The following PRDM2 variants were observed in gnomAD, a reference collection of about 807,000 sequenced individuals.
PRDM2 encodes PR domain zinc finger protein 2.
A neutral mutation model predicts 130.0 loss-of-function variants in PRDM2; 30 were observed. That is an observed-to-expected ratio of 0.23 (90% CI 0.17 to 0.31). The LOEUF is 0.31. Among genes scored for constraint, PRDM2 ranks in the 10% least tolerant of loss-of-function variants. PRDM2 has a pLI of 1.00. For missense variants in PRDM2, 2,011 were observed against 2,108.4 expected, an observed-to-expected ratio of 0.95 and a Z score of 0.90; for synonymous variants, 871 against 782.4, an observed-to-expected ratio of 1.11 and a Z score of -1.89.
intron 6 of PRDM2, among the ~76,000 whole-genome samples, chr1:13,761,329 A>G (rs1644092014): frequency 6.6e-6 from 1 of 152,250 alleles, no homozygotes; most frequent in Admixed American, 6.5e-5. Context: ...AGGGCTGTAT[A>G]TGACAAATTT....
intron 8 of PRDM2, among the ~76,000 whole-genome samples, chr1:13,812,130 C>T (rs1199069274): frequency 1.3e-5 from 2 of 151,882 alleles, no homozygotes; most frequent in African/African-American, 4.8e-5. Flanking sequence ...TCTCTTGTTG[C>T]TTAGTGGAGA....
chr1:13,790,334 C>T (rs1026384218), intron 8 of PRDM2, among the ~76,000 whole-genome samples: 6 of 152,156 alleles, frequency 3.9e-5, no homozygotes, highest in South Asian at 2.1e-4. Context: ...ATTGTTTTCC[C>T]GTTCTTTCTA....
intron 6 of PRDM2, among the ~76,000 whole-genome samples, chr1:13,751,562 G>A (rs942950108): frequency 3.3e-5 from 5 of 150,070 alleles, no homozygotes; most frequent in Non-Finnish European, 7.4e-5. Flanking sequence ...TTCTGTTTAG[G>A]TCTTATGTGT....
intron 1 of PRDM2, among the ~76,000 whole-genome samples, chr1:13,709,021 A>G (rs1403928857): frequency 6.6e-6 from 1 of 152,204 alleles, no homozygotes; most frequent in Non-Finnish European, 1.5e-5. Context: ...GTGAAATTGT[A>G]TTATTTTAGA....
chr1:13,770,231 G>T, intron 6 of PRDM2: 1 of 415,002 alleles, frequency 2.4e-6, no homozygotes. Context: ...CGCTGATTAG[G>T]TTTTGTTTGT....
intron 5 of PRDM2, among the ~76,000 whole-genome samples, 159 bp from the exon 6 acceptor site, chr1:13,749,202 C>T (rs1643715958): frequency 6.6e-6 from 1 of 151,168 alleles, no homozygotes; most frequent in Non-Finnish European, 1.5e-5. Context: ...GCGCGGCCCG[C>T]ACGGGGCCGG....
chr1:13,782,883 T>C, intron 8 of PRDM2, 52 bp downstream of exon 8: 1 of 1,596,820 alleles, frequency 6.3e-7, no homozygotes, highest in Non-Finnish European at 8.5e-7. Flanking sequence ...ACAGTATCCT[T>C]GCCTACGGGT....
At chr1:13,768,721 G>A (rs969178068) in intron 6 of PRDM2, among the ~76,000 whole-genome samples, 6 of 152,136 alleles carry the variant, frequency 3.9e-5, no homozygotes, top group African/African-American at 1.4e-4. Context: ...TACTGTAGTC[G>A]TGTGTCATTG....
chr1:13,702,156 T>C (rs1460656697), intron 1 of PRDM2, among the ~76,000 whole-genome samples: 1 of 152,222 alleles, frequency 6.6e-6, no homozygotes, highest in Non-Finnish European at 1.5e-5. Flanking sequence ...ATTTCTTTCC[T>C]TATTTTACAG....
chr1:13,812,053 C>G (rs527573543), intron 8 of PRDM2, among the ~76,000 whole-genome samples: 5 of 152,130 alleles, frequency 3.3e-5, no homozygotes, highest in African/African-American at 1.2e-4. Flanking sequence ...AAGGCTTGGG[C>G]CACTTTTGCA....
intron 2 of PRDM2, among the ~76,000 whole-genome samples, chr1:13,721,712 A>G (rs1401824629): frequency 1.3e-5 from 2 of 152,198 alleles, no homozygotes; most frequent in Admixed American, 6.5e-5. Context: ...CAGTGGAATG[A>G]GCTTGTGGCA....
At chr1:13,766,894 C>T (rs1216239361) in intron 6 of PRDM2, among the ~76,000 whole-genome samples, 1 of 152,216 alleles carries the variant, frequency 6.6e-6, no homozygotes, top group African/African-American at 2.4e-5. Flanking sequence ...CAGAATTTTG[C>T]ATTCTCTCTA....
In PRDM2 at chr1:13,749,503, C is replaced by A. The variant is rs892494299; in HGVS notation, c.511+16C>A. 1.5e-6 allele frequency: 2 copies of A among 1,328,370 alleles called. No individual in the cohort carries two copies. Among genetic ancestry groups the A allele is most frequent in the Non-Finnish European group, 2.0e-6 (2 of 1,013,476 alleles). The allele number at this position is 1,328,370 out of a possible 1,614,324, so 82.3% of individuals were successfully genotyped here. The stretch of plus-strand genomic sequence containing the variant: ...AGCCGGAAAGGTAGGAGCCCCCCGG[C>A]CCGCCCGCCCGGCCCCGGCGCCACG... On this transcript the variant is annotated intron_variant, in intron 6 of 9. Coordinates refer to ENST00000311066, the MANE Select transcript of PRDM2 (RefSeq NM_001393986.1).
intron 2 of PRDM2, among the ~76,000 whole-genome samples, chr1:13,716,525 G>C (rs898478594): frequency 1.1e-4 from 17 of 152,136 alleles, no homozygotes; most frequent in Admixed American, 1.1e-3. Context: ...GAAACTTTAA[G>C]CATTTGTCCT....
At chr1:13,763,723 G>GA (rs1644158403) in intron 6 of PRDM2, among the ~76,000 whole-genome samples, 2 of 152,082 alleles carry the variant, frequency 1.3e-5, no homozygotes, top group Non-Finnish European at 2.9e-5. Flanking sequence ...TCTTCTTTAT[G>GA]AAAAATCATG....
At chr1:13,716,211 A>C (rs189729049) in intron 2 of PRDM2, among the ~76,000 whole-genome samples, 69 of 151,622 alleles carry the variant, frequency 4.6e-4, no homozygotes, top group Non-Finnish European at 8.1e-4. Flanking sequence ...CAAAAAACCA[A>C]ACACCGCATA....
chr1:13,820,311 A>G (rs967045136), intron 9 of PRDM2, among the ~76,000 whole-genome samples: 2 of 152,198 alleles, frequency 1.3e-5, no homozygotes, highest in South Asian at 4.1e-4. Context: ...GAATGCAGCG[A>G]GAATGAACAC....
chr1:13,791,955 T>G (rs1039733321), intron 8 of PRDM2, among the ~76,000 whole-genome samples: 4 of 152,172 alleles, frequency 2.6e-5, no homozygotes, highest in Non-Finnish European at 5.9e-5. Flanking sequence ...TGCCTAAATG[T>G]GCCTTCCCAT....
intron 2 of PRDM2, among the ~76,000 whole-genome samples, chr1:13,722,034 A>G (rs1642745720): frequency 6.6e-6 from 1 of 152,152 alleles, no homozygotes; most frequent in African/African-American, 2.4e-5. Context: ...TATTACTGTT[A>G]TTTTTCAGCC....
Sources: gnomAD v4.1 joint callset for allele counts (sites outside exome capture counted in the v4.1 genomes callset) on GRCh38, gnomAD v4.1.1 for gene constraint, MANE v1.5 for transcripts, NCBI Gene and HGNC (gene_info 2026-07-23, HGNC 2026-07-21) for gene names.